The following RNF220 variants were observed in gnomAD, a reference collection of about 807,000 sequenced individuals.
RNF220 encodes the protein E3 ubiquitin-protein ligase RNF220.
A neutral mutation model predicts 67.1 loss-of-function variants in RNF220; 7 were observed. That is an observed-to-expected ratio of 0.10 (90% confidence interval 0.06 to 0.20). The LOEUF (loss-of-function observed/expected upper bound fraction) is 0.20, where lower values mean the gene tolerates loss of function less well. Ranked by LOEUF, RNF220 falls within the 10% of genes least tolerant of loss-of-function variation. The pLI is 1.00. For synonymous variants in RNF220, 270 were observed against 283.2 expected, an observed-to-expected ratio of 0.95 and a Z score of 0.47; for missense variants, 565 against 740.3, an observed-to-expected ratio of 0.76 and a Z score of 2.75.
chr1:44,508,091 G>A (rs949533964), intron 2 of RNF220, among the ~76,000 whole-genome samples: 2 of 151,808 alleles, frequency 1.3e-5, no homozygotes, highest in African/African-American at 2.4e-5. Flanking sequence ...GCGTGTGGGG[G>A]TGGTGGAGCA....
At chr1:44,511,906 C>T (rs958183097) in intron 2 of RNF220, among the ~76,000 whole-genome samples, 4 of 80,020 alleles carry the variant, frequency 5.0e-5, no homozygotes, top group Admixed American at 2.2e-4. Context: ...AATTGAGAAG[C>T]GTGTGTGTGC....
At chr1:44,525,629 T>G (rs1263198557) in intron 2 of RNF220, among the ~76,000 whole-genome samples, 1 of 152,170 alleles carries the variant, frequency 6.6e-6, no homozygotes, top group African/African-American at 2.4e-5. Context: ...CTCTACTTAC[T>G]TGTCACTGTC....
At chr1:44,518,201 G>A (rs1272369441) in intron 2 of RNF220, among the ~76,000 whole-genome samples, 1 of 151,116 alleles carries the variant, frequency 6.6e-6, no homozygotes, top group Non-Finnish European at 1.5e-5. Flanking sequence ...CAAGGTGGGA[G>A]GATTGCTTCA....
intron 2 of RNF220, among the ~76,000 whole-genome samples, chr1:44,610,988 C>A (rs156257): frequency 0.98 from 149,619 of 152,330 alleles, 73,535 homozygotes; most frequent in Non-Finnish European, 1. Flanking sequence ...TATGCAAACG[C>A]GGAGCAGGCC....
chr1:44,470,561 C>CT (rs1163563965), intron 2 of RNF220, among the ~76,000 whole-genome samples: 1 of 152,206 alleles, frequency 6.6e-6, no homozygotes, highest in Non-Finnish European at 1.5e-5. Context: ...TGTCTGTTCT[C>CT]TGACAGTCTC....
At chr1:44,559,813 C>T (rs17382408) in intron 2 of RNF220, among the ~76,000 whole-genome samples, 4,451 of 152,346 alleles carry the variant, frequency 0.029, 100 homozygotes, top group Non-Finnish European at 0.048. Context: ...TTCTCTGCAT[C>T]GATGTCACTG....
rs190932510 is a variant in RNF220, at chr1:44,438,526, C to A, written c.625+25804C>A. 2.3e-3 allele frequency among the ~76,000 whole-genome samples: 347 copies of A among 152,214 alleles called. 1 individual carries two copies. Among genetic ancestry groups the A allele is most frequent in the African/African-American group, 8.1e-3 (337 of 41,514 alleles). ...ATTAATTCGAGTACTTATTGAATAC[C>A]TACTAGGTGCCAGGCAATTTTAGGC... On this transcript the variant is annotated intron_variant, in intron 2 of 14. Coordinates refer to ENST00000361799, the MANE Select transcript of RNF220 (RefSeq NM_018150.4).
intron 2 of RNF220, among the ~76,000 whole-genome samples, chr1:44,420,640 A>C (rs1306241456): frequency 1.3e-5 from 2 of 152,174 alleles, no homozygotes; most frequent in Admixed American, 6.5e-5. Flanking sequence ...GTGGGGAGGC[A>C]ATGTAACATA....
rs1643893800 is a variant in RNF220, at chr1:44,624,848, G to GCCA, written c.805-1447_805-1445dup. Among the ~76,000 whole-genome samples, 1 of 152,130 alleles carries GCCA rather than the reference G, an allele frequency of 6.6e-6. No individual in the cohort carries two copies. The highest frequency in any genetic ancestry group is 6.5e-5 in the Admixed American group (1 of 15,282). On this transcript the variant is annotated intron_variant, in intron 4 of 14. Coordinates refer to ENST00000361799, the MANE Select transcript of RNF220 (RefSeq NM_018150.4). The surrounding 1 kb of genome is among the most constrained non-coding windows in gnomAD (Gnocchi z 4.2). ...CAATGATAATTTTACCTTCCAAAAG[G>GCCA]CCACTTTTAATGAGGCGAAGAGCCA...
In RNF220 at chr1:44,649,698, C is replaced by T. The variant is rs1396482232; in HGVS notation, c.1483C>T (p.Leu495=). The T allele has an allele frequency of 1.9e-6, 3 of 1,613,914 alleles. No homozygotes were observed. Among genetic ancestry groups the T allele is most frequent in the Admixed American group, 3.3e-5 (2 of 59,990 alleles). Residue 495 remains leucine, a synonymous_variant, in exon 13 of 15, where the codon CTG becomes TTG. Coordinates refer to ENST00000361799, the MANE Select transcript of RNF220 (RefSeq NM_018150.4). The surrounding 1 kb of genome is among the most constrained non-coding windows in gnomAD (Gnocchi z 5.9). The part of the protein sequence containing the change: ...EDSAVTTFEA[L]KARVRELERQ... ...TTCAGCTGTGACCACGTTTGAGGCT[C>T]TGAAGGCTCGGGTCAGAGAACTTGA... is the stretch of plus-strand genomic sequence containing the variant.
intron 2 of RNF220, among the ~76,000 whole-genome samples, chr1:44,467,215 T>TC (rs1654353158): frequency 6.6e-6 from 1 of 152,172 alleles, no homozygotes; most frequent in Non-Finnish European, 1.5e-5. Context: ...CTTTTTTTTT[T>TC]CCTCTTTTCT....
intron 2 of RNF220, among the ~76,000 whole-genome samples, chr1:44,528,357 G>C (rs1440686881): frequency 6.6e-6 from 1 of 151,438 alleles, no homozygotes; most frequent in African/African-American, 2.4e-5. Flanking sequence ...CTGGAGTCCA[G>C]TGGCGCTATC....
At chr1:44,614,414 C>G (rs181892433) in intron 3 of RNF220, 117 bp downstream of exon 3, 2 of 1,128,424 alleles carry the variant, frequency 1.8e-6, no homozygotes, top group South Asian at 1.6e-5. Context: ...AGACAGGACC[C>G]TGCCACCCTT....
At chr1:44,484,078 C>T (rs1487480165) in intron 2 of RNF220, among the ~76,000 whole-genome samples, 1 of 152,194 alleles carries the variant, frequency 6.6e-6, no homozygotes, top group African/African-American at 2.4e-5. Flanking sequence ...GCTGTAGAGC[C>T]TCCTGAGGTG....
chr1:44,487,264 G>A (rs1404412073), intron 2 of RNF220, among the ~76,000 whole-genome samples: 1 of 152,130 alleles, frequency 6.6e-6, no homozygotes, highest in Admixed American at 6.5e-5. Flanking sequence ...GAACCTGGGA[G>A]GCAGAGGTTG....
chr1:44,545,241 G>A (rs981593274), intron 2 of RNF220, among the ~76,000 whole-genome samples: 2 of 152,166 alleles, frequency 1.3e-5, no homozygotes, highest in Non-Finnish European at 2.9e-5. Context: ...AAGAGCTGAC[G>A]GGACATCTGG....
chr1:44,482,476 A>G lies in RNF220; in HGVS notation c.625+69754A>G, dbSNP rs565843496. ...AAAGAATTTTTGTGTTCCTTCTCTC[A>G]GTGAGCAATGAATAGCTTCAGTGGA... On this transcript the variant is annotated intron_variant, in intron 2 of 14. Transcript: ENST00000361799. Among the ~76,000 whole-genome samples the G allele has an allele frequency of 2.0e-5, 3 of 152,296 alleles. No homozygotes were observed. In the South Asian group the frequency reaches 6.2e-4, roughly 32 times the overall value.
intron 2 of RNF220, among the ~76,000 whole-genome samples, chr1:44,428,900 A>G (rs1033643595): frequency 1.3e-5 from 2 of 151,932 alleles, no homozygotes; most frequent in African/African-American, 4.8e-5. Context: ...GGAATTGGAT[A>G]CTTTCACTCC....
At chr1:44,547,674 A>G (rs1289355364) in intron 2 of RNF220, among the ~76,000 whole-genome samples, 1 of 152,116 alleles carries the variant, frequency 6.6e-6, no homozygotes, top group East Asian at 1.9e-4. Flanking sequence ...ACTCCTGAAT[A>G]TAAAGCTCCA....
Sources: allele counts gnomAD v4.1 joint callset (sites outside exome capture counted in the v4.1 genomes callset), GRCh38; gene constraint gnomAD v4.1.1; non-coding constraint Gnocchi (gnomAD v3.1); transcripts MANE v1.5; gene names NCBI Gene and HGNC (gene_info 2026-07-23, HGNC 2026-07-21).